The following NR2C2 variants were observed in gnomAD, a reference collection of about 807,000 sequenced individuals.
NR2C2 encodes the protein Nuclear hormone receptor TR4.
Under a neutral mutation model 62.9 loss-of-function variants are expected in NR2C2, and 6 were observed. The ratio of observed to expected loss-of-function variants is 0.10; its 90% CI spans 0.05 to 0.19. NR2C2 has a LOEUF of 0.19. NR2C2 is among the 10% of genes least tolerant of loss of function. The pLI, the probability that NR2C2 is intolerant of heterozygous loss-of-function variation, is 1.00. For missense variants in NR2C2, 479 were observed against 762.7 expected (o/e 0.63, Z 4.38); for synonymous variants, 272 against 273.8 (o/e 0.99, Z 0.07).
intron 1 of NR2C2, among the ~76,000 whole-genome samples, chr3:15,000,876 A>T (rs1201480980): frequency 6.9e-6 from 1 of 144,138 alleles, no homozygotes; most frequent in South Asian, 2.2e-4. Flanking sequence ...ATGCAGTGGC[A>T]CAATGTCGGC....
chr3:15,022,398 C>CTTTTTTTTTT (rs71038450), intron 5 of NR2C2, among the ~76,000 whole-genome samples: 40 of 89,124 alleles, frequency 4.5e-4, no homozygotes, highest in African/African-American at 6.0e-4. Context: ...CTTTTTCTTT[C>CTTTTTTTTTT]TTTTTTTTTT....
intron 1 of NR2C2, among the ~76,000 whole-genome samples, chr3:14,951,007 A>G (rs533818050): frequency 6.6e-6 from 1 of 152,184 alleles, no homozygotes; most frequent in Non-Finnish European, 1.5e-5. Flanking sequence ...AGTTTTTCCC[A>G]CTCATTTTTT....
chr3:15,036,367 G>A (rs2042103240), intron 11 of NR2C2, among the ~76,000 whole-genome samples: 1 of 152,110 alleles, frequency 6.6e-6, no homozygotes, highest in Non-Finnish European at 1.5e-5. Flanking sequence ...GGAATAGGAG[G>A]CAGCCATTGT....
intron 1 of NR2C2, among the ~76,000 whole-genome samples, chr3:14,982,353 T>C (rs2040395014): frequency 6.6e-6 from 1 of 152,182 alleles, no homozygotes; most frequent in South Asian, 2.1e-4. Context: ...AATTAGCTTG[T>C]TAGGGTTATA....
At chr3:14,962,598 G>T (rs1312178348) in intron 1 of NR2C2, 2 of 150,180 alleles carry the variant, frequency 1.3e-5, no homozygotes, top group Non-Finnish European at 3.0e-5. Context: ...GTCAGCATGT[G>T]ATACGTCCTA....
At chr3:14,972,486 A>G (rs116457033) in intron 1 of NR2C2, among the ~76,000 whole-genome samples, 1,665 of 152,290 alleles carry the variant, frequency 0.011, 26 homozygotes, top group African/African-American at 0.037. Context: ...GCAGCTTTTC[A>G]TATGCTAGTT....
At position 15,032,499 on chromosome 3, in the gene NR2C2, G is replaced by A; in HGVS notation, c.1231G>A (p.Gly411Arg). ...ARSIPAFQAL[G>R]QDCNTSLVRA... ...GTCAATCCCAGCCTTTCAGGCACTT[G>A]GGTAAGTGGCCTCTTGCTGTGCATG... is the stretch of plus-strand genomic sequence containing the variant. Residue 411 changes from glycine to arginine, a missense_variant and splice_region_variant, in exon 10 of 14, where the codon GGG (glycine) becomes AGG (arginine). Physicochemically the swap from Gly to Arg is moderately radical, Grantham distance 125 (BLOSUM62 -2). Coordinates refer to ENST00000425241, the MANE Select transcript of NR2C2 (RefSeq NM_001291694.2). 6.2e-7 allele frequency: 1 copy of A among 1,614,218 alleles called. No individual in the cohort carries two copies. The highest frequency in any genetic ancestry group is 8.5e-7 in the Non-Finnish European group (1 of 1,180,038).
intron 4 of NR2C2, among the ~76,000 whole-genome samples, chr3:15,017,636 G>A (rs536288569): frequency 6.6e-6 from 1 of 152,282 alleles, no homozygotes; most frequent in South Asian, 2.1e-4. Flanking sequence ...TGGTGCCATT[G>A]TCTCCTGATA....
chr3:15,025,923 T>C (rs2041810617), intron 7 of NR2C2: 1 of 152,258 alleles, frequency 6.6e-6, no homozygotes, highest in South Asian at 2.1e-4. Context: ...GTTTATGACC[T>C]TTTCTACTGA....
chr3:15,004,035 T>A, intron 2 of NR2C2, 49 bp downstream of exon 2: 2 of 1,508,926 alleles, frequency 1.3e-6, no homozygotes, highest in Non-Finnish European at 1.8e-6. Flanking sequence ...AAGAACTCTT[T>A]CCAAAAACAA....
intron 4 of NR2C2, among the ~76,000 whole-genome samples, chr3:15,017,373 T>G (rs1389972377): frequency 6.6e-6 from 1 of 152,220 alleles, no homozygotes; most frequent in Non-Finnish European, 1.5e-5. Flanking sequence ...TCCTACAGAT[T>G]AATCACTTGT....
chr3:15,034,875 C>T, intron 11 of NR2C2, 66 bp downstream of exon 11: 1 of 1,464,136 alleles, frequency 6.8e-7, no homozygotes, highest in East Asian at 2.5e-5. Context: ...GAGCAGAGCC[C>T]AGCCCCCTGG....
At chr3:15,000,178 C>G (rs1241359370) in intron 1 of NR2C2, among the ~76,000 whole-genome samples, 1 of 152,154 alleles carries the variant, frequency 6.6e-6, no homozygotes, top group East Asian at 1.9e-4. Context: ...CCCATTCCCC[C>G]TGCCCCTCAG....
At chr3:14,978,310 A>G (rs1237201645) in intron 1 of NR2C2, among the ~76,000 whole-genome samples, 1 of 152,164 alleles carries the variant, frequency 6.6e-6, no homozygotes, top group Non-Finnish European at 1.5e-5. Context: ...CATACCTTAA[A>G]CATGCTCAGA....
At chr3:14,957,892 T>G (rs2125234114) in intron 1 of NR2C2, among the ~76,000 whole-genome samples, 1 of 148,304 alleles carries the variant, frequency 6.7e-6, no homozygotes, top group East Asian at 2.0e-4. Flanking sequence ...TCAGCCTCTC[T>G]CCTTCCCTGG....
chr3:15,039,109 T>C lies in NR2C2; in HGVS notation c.1511-13T>C, dbSNP rs142064828. ...ACAGAGGGAACTGGGGGGGGGTACT[T>C]TTCTGTTTTCAGATCATCCAGGTTT... On this transcript the variant is annotated splice_polypyrimidine_tract_variant and intron_variant, in intron 12 of 13. Coordinates refer to ENST00000425241, the MANE Select transcript of NR2C2 (RefSeq NM_001291694.2). The C allele has an allele frequency of 1.4e-4, 229 of 1,603,690 alleles. 2 individuals are homozygous for C. In the East Asian group the frequency reaches 5.1e-3, roughly 36 times the overall value.
At chr3:14,993,319 T>C (rs1007164081) in intron 1 of NR2C2, among the ~76,000 whole-genome samples, 2 of 151,838 alleles carry the variant, frequency 1.3e-5, no homozygotes, top group African/African-American at 4.8e-5. Flanking sequence ...CCGGGCATGG[T>C]GGTGGGTGCC....
At chr3:14,991,461 A>G (rs1305603080) in intron 1 of NR2C2, among the ~76,000 whole-genome samples, 2 of 152,198 alleles carry the variant, frequency 1.3e-5, no homozygotes, top group Non-Finnish European at 2.9e-5. Flanking sequence ...GGTACATTTC[A>G]GTTCAAGCTG....
chr3:15,030,545 G>A (rs2041955034), intron 9 of NR2C2, 93 bp downstream of exon 9: 1 of 1,333,624 alleles, frequency 7.5e-7, no homozygotes, highest in Non-Finnish European at 1.0e-6. Context: ...TCAAACCTTG[G>A]GGCCAGGCAT....
Sources: gnomAD v4.1 joint callset for allele counts (sites outside exome capture counted in the v4.1 genomes callset) on GRCh38, gnomAD v4.1.1 for gene constraint, MANE v1.5 for transcripts, NCBI Gene and HGNC (gene_info 2026-07-23, HGNC 2026-07-21) for gene names.